DNAAF1: variants seen among roughly 807,000 people sequenced by gnomAD.
DNAAF1 encodes the protein dynein assembly factor 1, axonemal.
DNAAF1 carries 65 observed loss-of-function variants against 71.1 expected under a neutral mutation model. The observed-to-expected ratio is 0.91, with a 90% CI of 0.75 to 1.12. The LOEUF is 1.12. Among genes scored for constraint, DNAAF1 ranks in the 50% most tolerant of loss-of-function variants. The pLI is 0.00. For synonymous variants in DNAAF1, 414 were observed against 354.6 expected (o/e 1.17, Z -1.88); for missense variants, 1,178 against 899.8 (o/e 1.31, Z -3.96).
In DNAAF1 at chr16:84,175,980, C is replaced by T; in HGVS notation, c.1746C>T (p.Asp582=). 2 of 1,614,108 alleles carry T rather than the reference C, an allele frequency of 1.2e-6. No individual in the cohort carries two copies. The highest frequency in any genetic ancestry group is 1.7e-6 in the Non-Finnish European group (2 of 1,179,954). ...AGGTCATCTCGAGCTTGAGTGATGA[C>T]AGTGACCCTGAACTGGACTACACGT... is the stretch of plus-strand genomic sequence containing the variant. ...KIEVISSLSD[D]SDPELDYTSL... The change falls in exon 11 of 12, where the codon GAC becomes GAT. Residue 582 remains aspartate, a synonymous_variant. Transcript: ENST00000378553.
chr16:84,155,663 T>A lies in DNAAF1; in HGVS notation c.655T>A (p.Cys219Ser). The A allele has an allele frequency of 1.9e-6, 3 of 1,613,980 alleles. No individual in the cohort carries two copies. The highest frequency in any genetic ancestry group is 2.5e-6 in the Non-Finnish European group (3 of 1,180,008). The change falls in exon 5 of 12, where the codon TGT becomes AGT. Residue 219 changes from cysteine (C) to serine (S), a missense_variant. Transcript: ENST00000378553. ...GGAGGACATTCAGCATCTACAAGAG[T>A]GTTTGAGGCTTTGTGTCCTTGACCT... ...TVEDIQHLQE[C>S]LRLCVLDLSH...
At chr16:84,166,220 T>C (rs1416198791) in intron 7 of DNAAF1, among the ~76,000 whole-genome samples, 1 of 151,692 alleles carries the variant, frequency 6.6e-6, no homozygotes, top group Non-Finnish European at 1.5e-5. Context: ...GCCTGGCTAG[T>C]TTTTGTATTT....
rs1474651472 is a variant in DNAAF1, at chr16:84,174,370, A to G, written c.1645-299A>G. ...TGGTTTGGGTCCCATTATTTCCCCCAAGATGAACTGGCTGTGTCTCTTAAT... is the reference window on the plus strand; with the variant it reads ...TGGTTTGGGTCCCATTATTTCCCCCGAGATGAACTGGCTGTGTCTCTTAAT... On this transcript the variant is annotated intron_variant, in intron 9 of 11. Transcript: ENST00000378553. The G allele has an allele frequency of 1.0e-5, 13 of 1,299,046 alleles. No homozygotes were observed. In the Admixed American group the frequency reaches 2.0e-4, roughly 20 times the overall value. The allele number at this position is 1,299,046 out of a possible 1,614,324, so 80.5% of individuals were successfully genotyped here.
intron 11 of DNAAF1, 66 bp from the exon 12 acceptor site, chr16:84,177,663 G>A (rs1307199974): frequency 1.4e-6 from 2 of 1,419,454 alleles, no homozygotes; most frequent in African/African-American, 1.4e-5. Context: ...TGAACCCCAA[G>A]GCTGCCCCCC....
chr16:84,170,219 C>T lies in DNAAF1; in HGVS notation c.1391C>T (p.Pro464Leu), dbSNP rs753897895. The T allele has an allele frequency of 1.9e-6, 3 of 1,612,506 alleles. No homozygotes were observed. Among genetic ancestry groups the T allele is most frequent in the East Asian group, 4.5e-5 (2 of 44,818 alleles). ...EVKGEDGDQE[P>L]EGTLPAETLL... ...AAAGGAGAGGATGGAGATCAAGAGCCAGAGGGGACCCTCCCAGCTGAGACC... is the reference window on the plus strand; with the variant it reads ...AAAGGAGAGGATGGAGATCAAGAGCTAGAGGGGACCCTCCCAGCTGAGACC... The change falls in exon 8 of 12, where the codon CCA (proline) becomes CTA (leucine). Residue 464 changes from proline (P) to leucine (L), a missense_variant. Pro to Leu is a moderately conservative substitution (Grantham distance 98). Transcript: ENST00000378553.
At chr16:84,154,928 A>G (rs2087342532) in intron 4 of DNAAF1, 130 bp downstream of exon 4, 1 of 832,396 alleles carries the variant, frequency 1.2e-6, no homozygotes, top group Non-Finnish European at 1.9e-6. Flanking sequence ...TTTTTTTTTG[A>G]GACAGAGTCT....
intron 11 of DNAAF1, chr16:84,177,242 G>C (rs530039496): frequency 4.4e-6 from 1 of 228,094 alleles, no homozygotes; most frequent in Non-Finnish European, 8.8e-6. Flanking sequence ...GTGCAGCCTC[G>C]GGCGGGGGCA....
intron 9 of DNAAF1, 113 bp downstream of exon 9, chr16:84,172,488 G>GC: frequency 6.6e-7 from 1 of 1,523,990 alleles, no homozygotes. Flanking sequence ...CCTTGGGCCG[G>GC]CAGGCCTGGC....
chr16:84,172,228 A>C, intron 8 of DNAAF1, 32 bp from the exon 9 acceptor site: 2 of 1,607,316 alleles, frequency 1.2e-6, no homozygotes, highest in African/African-American at 2.7e-5. Flanking sequence ...CCGTGTGTTA[A>C]ACTAACTCCA....
rs757333074 is a variant in DNAAF1, at chr16:84,174,702, G to C, written c.1678G>C (p.Gly560Arg). 3 of 1,614,100 alleles carry C rather than the reference G, an allele frequency of 1.9e-6. No individual in the cohort carries two copies. The highest frequency in any genetic ancestry group is 2.7e-5 in the African/African-American group (2 of 74,928). Reference sequence around the variant, plus strand: ...TGACTTGGAAGATGATGATGAAACAGGCAAATCTCTGGAAGACCAGGTTAA... The same window carrying C: ...TGACTTGGAAGATGATGATGAAACACGCAAATCTCTGGAAGACCAGGTTAA... ...LPDLEDDDET[G>R]KSLEDQNMCF... The change falls in exon 10 of 12, where the codon GGC (glycine) becomes CGC (arginine). Residue 560 changes from glycine to arginine, a missense_variant. Gly to Arg is a moderately radical substitution (Grantham distance 125). Transcript: ENST00000378553.
chr16:84,148,367 A>G (rs1410428876), intron 1 of DNAAF1, among the ~76,000 whole-genome samples: 1 of 152,110 alleles, frequency 6.6e-6, no homozygotes, highest in Admixed American at 6.6e-5. Context: ...AAGGTAGAAA[A>G]GCAAGTCATT....
chr16:84,155,712 C>A lies in DNAAF1; in HGVS notation c.704C>A (p.Pro235Gln), dbSNP rs144654179. 9 of 1,614,050 alleles carry A rather than the reference C, an allele frequency of 5.6e-6. No individual in the cohort carries two copies. The highest frequency in any genetic ancestry group is 7.6e-6 in the Non-Finnish European group (9 of 1,180,006). Residue 235 changes from proline to glutamine, a missense_variant, in exon 5 of 12, where the codon CCG becomes CAG. Physicochemically the swap from Pro to Gln is moderately conservative, Grantham distance 76 (BLOSUM62 -1). Transcript: ENST00000378553. Reference sequence around the variant, plus strand: ...CTTTCGCACAACAAGCTGAGTGACCCGGAGATCCTGAGCATTCTGGAAAGC... The same window carrying A: ...CTTTCGCACAACAAGCTGAGTGACCAGGAGATCCTGAGCATTCTGGAAAGC... The part of the protein sequence containing the change: ...LDLSHNKLSD[P>Q]EILSILESMP...
rs2088636324 is a variant in DNAAF1 at position 84,176,062 on chromosome 16, T to G, written c.1828T>G (p.Ser610Ala). The change falls in exon 11 of 12, where the codon TCT becomes GCT. Residue 610 changes from serine to alanine, a missense_variant. Ser to Ala is a moderately conservative substitution (Grantham distance 99). Transcript: ENST00000378553. ...CACTCTGTCAAATATATTTGCAGTC[T>G]CTAAAGACACCTCAAAGGCGGCTCG... Reference protein sequence around the residue: ...TDTLSNIFAVSKDTSKAARVP... With the variant: ...TDTLSNIFAVAKDTSKAARVP... The G allele has an allele frequency of 5.1e-5, 83 of 1,614,140 alleles. No individual in the cohort carries two copies. The highest frequency in any genetic ancestry group is 6.8e-5 in the Non-Finnish European group (80 of 1,180,024).
chr16:84,175,803 G>T, intron 10 of DNAAF1, 130 bp from the exon 11 acceptor site: 1 of 1,195,016 alleles, frequency 8.4e-7, no homozygotes, highest in Non-Finnish European at 1.2e-6. Context: ...GTGTTCCCTT[G>T]GGCCTTTCTT....
intron 1 of DNAAF1, among the ~76,000 whole-genome samples, chr16:84,146,284 G>T (rs1452690878): frequency 1.3e-5 from 2 of 152,190 alleles, no homozygotes; most frequent in Non-Finnish European, 2.9e-5. Flanking sequence ...CAGACTGCAT[G>T]TTGTGTCAGG....
At chr16:84,159,248 G>A in intron 5 of DNAAF1, 2 of 1,080,816 alleles carry the variant, frequency 1.9e-6, no homozygotes, top group Non-Finnish European at 1.1e-6. Flanking sequence ...CTTAGTCACT[G>A]CTGCTTCTCT....
rs117114021 is a variant in DNAAF1 at position 84,170,128 on chromosome 16, G to A, written c.1300G>A (p.Gly434Arg). The A allele has an allele frequency of 5.3e-4, 836 of 1,583,090 alleles. 6 individuals carry two copies. The East Asian group carries it at 0.011, about 21-fold the overall frequency. The change falls in exon 8 of 12, where the codon GGA (glycine) becomes AGA (arginine). Residue 434 changes from glycine to arginine, a missense_variant. Coordinates refer to ENST00000378553, the MANE Select transcript of DNAAF1 (RefSeq NM_178452.6). Reference sequence around the variant, plus strand: ...ACCTGTGGAGGTTAAAGGAGAGGACGGAGATGGAGAGCCAGAGGGGACCCT... The same window carrying A: ...ACCTGTGGAGGTTAAAGGAGAGGACAGAGATGGAGAGCCAGAGGGGACCCT... ...SSPVEVKGEDGDGEPEGTLPA... is the reference protein window; with the variant it reads ...SSPVEVKGEDRDGEPEGTLPA...
chr16:84,168,049 C>G (rs751473025), intron 7 of DNAAF1, among the ~76,000 whole-genome samples: 14 of 151,994 alleles, frequency 9.2e-5, no homozygotes, highest in South Asian at 4.1e-4. Context: ...ATCTGTTTTA[C>G]CCTATTGCAG....
At chr16:84,147,929 A>G (rs1056868604) in intron 1 of DNAAF1, among the ~76,000 whole-genome samples, 11 of 152,106 alleles carry the variant, frequency 7.2e-5, no homozygotes, top group African/African-American at 2.7e-4. Flanking sequence ...TTAGCTAGGC[A>G]TGGTGACAGG....
Sources: gnomAD v4.1 joint callset for allele counts (sites outside exome capture counted in the v4.1 genomes callset) on GRCh38, gnomAD v4.1.1 for gene constraint, MANE v1.5 for transcripts, NCBI Gene and HGNC (gene_info 2026-07-23, HGNC 2026-07-21) for gene names.